CNTNAP2: variants seen among roughly 807,000 people sequenced by gnomAD.
CNTNAP2 encodes the protein contactin associated protein 2.
A neutral mutation model predicts 155.2 loss-of-function variants in CNTNAP2; 98 were observed. The ratio of observed to expected loss-of-function variants is 0.63; its 90% CI spans 0.54 to 0.75. The LOEUF (loss-of-function observed/expected upper bound fraction) is 0.75, where lower values mean the gene tolerates loss of function less well. Among genes scored for constraint, CNTNAP2 ranks in the 30% least tolerant of loss-of-function variants. The pLI is 0.00. For missense variants in CNTNAP2, 1,727 were observed against 1,688.1 expected (o/e 1.02, Z -0.40); for synonymous variants, 651 against 631.2 (o/e 1.03, Z -0.47).
chr7:148,122,551 C>A (rs1333111995), intron 16 of CNTNAP2, among the ~76,000 whole-genome samples: 1 of 152,050 alleles, frequency 6.6e-6, no homozygotes, highest in East Asian at 1.9e-4. Flanking sequence ...GGGCAGGGGC[C>A]AGCAATAGCA....
chr7:146,803,784 T>C (rs1414738824), intron 2 of CNTNAP2, among the ~76,000 whole-genome samples: 1 of 152,242 alleles, frequency 6.6e-6, no homozygotes, highest in Non-Finnish European at 1.5e-5. Context: ...TGTGTTAAAA[T>C]GTATGCTCCA....
chr7:146,664,747 A>C (rs1352476261), intron 1 of CNTNAP2, among the ~76,000 whole-genome samples: 1 of 152,176 alleles, frequency 6.6e-6, no homozygotes, highest in African/African-American at 2.4e-5. Flanking sequence ...GAAAAAATTC[A>C]CTATTGAAGT....
chr7:146,235,919 A>G (rs1179556509), intron 1 of CNTNAP2, among the ~76,000 whole-genome samples: 3 of 151,776 alleles, frequency 2.0e-5, no homozygotes, highest in African/African-American at 4.8e-5. Context: ...TTAATTACCC[A>G]TCAATATTCT....
chr7:147,188,741 A>T (rs1401826795), intron 8 of CNTNAP2, among the ~76,000 whole-genome samples: 1 of 152,230 alleles, frequency 6.6e-6, no homozygotes, highest in African/African-American at 2.4e-5. Context: ...GAGCAAAAGT[A>T]AACTGAAATA....
chr7:146,906,107 G>A (rs1365594138), intron 3 of CNTNAP2, among the ~76,000 whole-genome samples: 2 of 152,188 alleles, frequency 1.3e-5, no homozygotes, highest in Admixed American at 6.5e-5. Context: ...CTTAAAAAAC[G>A]GCGCACCACG....
intron 3 of CNTNAP2, among the ~76,000 whole-genome samples, chr7:146,902,120 G>T (rs1049198444): frequency 1.3e-5 from 2 of 151,738 alleles, no homozygotes; most frequent in Non-Finnish European, 2.9e-5. Context: ...TCCTAAACTC[G>T]TGATCCACCC....
chr7:148,144,276 T>C (rs921824366), intron 16 of CNTNAP2, among the ~76,000 whole-genome samples: 1 of 152,228 alleles, frequency 6.6e-6, no homozygotes, highest in Non-Finnish European at 1.5e-5. Flanking sequence ...AGAAATATAA[T>C]GTCACTCTCC....
At chr7:147,688,083 A>C in intron 13 of CNTNAP2, among the ~76,000 whole-genome samples, 1 of 152,162 alleles carries the variant, frequency 6.6e-6, no homozygotes, top group South Asian at 2.1e-4. Context: ...GAAGAGGGCT[A>C]CATGGTACCT....
chr7:148,189,117 A>G (rs533942900), intron 18 of CNTNAP2, among the ~76,000 whole-genome samples: 1 of 152,236 alleles, frequency 6.6e-6, no homozygotes, highest in Non-Finnish European at 1.5e-5. Flanking sequence ...TTCTAAACAC[A>G]GTGCCAAAGT....
At chr7:147,291,062 C>G (rs985351320) in intron 8 of CNTNAP2, among the ~76,000 whole-genome samples, 3 of 152,266 alleles carry the variant, frequency 2.0e-5, no homozygotes, top group Non-Finnish European at 4.4e-5. Flanking sequence ...CAGAAAGTTC[C>G]TCGTGCCACC....
intron 8 of CNTNAP2, among the ~76,000 whole-genome samples, chr7:147,216,917 C>T (rs1340247362): frequency 6.6e-6 from 1 of 151,924 alleles, no homozygotes; most frequent in Non-Finnish European, 1.5e-5. Context: ...TTTTCATAAG[C>T]ATTTCATTTT....
intron 15 of CNTNAP2, among the ~76,000 whole-genome samples, chr7:148,037,075 G>T (rs1262438494): frequency 1.3e-5 from 2 of 152,106 alleles, no homozygotes; most frequent in Non-Finnish European, 2.9e-5. Flanking sequence ...TTAAATGGGG[G>T]CTTTACTTTT....
intron 13 of CNTNAP2, among the ~76,000 whole-genome samples, chr7:147,865,678 C>G (rs1297954761): frequency 2.6e-5 from 4 of 152,080 alleles, no homozygotes; most frequent in South Asian, 4.1e-4. Context: ...GTCCAGGAAT[C>G]TATCCATTTC....
chr7:146,911,374 T>C (rs1796272657), intron 3 of CNTNAP2, among the ~76,000 whole-genome samples: 1 of 152,006 alleles, frequency 6.6e-6, no homozygotes, highest in Non-Finnish European at 1.5e-5. Context: ...TATCGCGGCA[T>C]TATTCACAAC....
At chr7:147,030,931 A>G (rs1198875794) in intron 3 of CNTNAP2, among the ~76,000 whole-genome samples, 1 of 152,196 alleles carries the variant, frequency 6.6e-6, no homozygotes, top group Non-Finnish European at 1.5e-5. Flanking sequence ...GGTTAATTTT[A>G]TTACATTTAA....
intron 1 of CNTNAP2, among the ~76,000 whole-genome samples, chr7:146,404,050 G>A (rs1405090792): frequency 1.4e-5 from 2 of 147,406 alleles, no homozygotes; most frequent in Non-Finnish European, 3.0e-5. Context: ...GCGTGAACCC[G>A]GGAGGCGGAG....
intron 1 of CNTNAP2, among the ~76,000 whole-genome samples, chr7:146,347,325 T>G (rs1794834697): frequency 6.6e-6 from 1 of 152,076 alleles, no homozygotes; most frequent in African/African-American, 2.4e-5. Context: ...CTTATCAATG[T>G]GAATCAGTCT....
At chr7:147,412,589 T>C (rs944611831) in intron 10 of CNTNAP2, among the ~76,000 whole-genome samples, 1 of 152,214 alleles carries the variant, frequency 6.6e-6, no homozygotes, top group Admixed American at 6.5e-5. Context: ...TCTCTGTGCC[T>C]AACACAGTGC....
intron 8 of CNTNAP2, among the ~76,000 whole-genome samples, chr7:147,155,997 C>A (rs758378634): frequency 6.6e-6 from 1 of 152,032 alleles, no homozygotes; most frequent in Non-Finnish European, 1.5e-5. Context: ...GATTAAAGGA[C>A]CATTTTTGTG....
Sources: allele counts gnomAD v4.1 joint callset (sites outside exome capture counted in the v4.1 genomes callset), GRCh38; gene constraint gnomAD v4.1.1; transcripts MANE v1.5; gene names NCBI Gene and HGNC (gene_info 2026-07-23, HGNC 2026-07-21).